Variants in FRMD4A observed in about 807,000 individuals in gnomAD.
FRMD4A encodes FERM domain-containing protein 4A.
Under a neutral mutation model 129.1 loss-of-function variants are expected in FRMD4A, and 29 were observed. That is an observed-to-expected ratio of 0.22 (90% confidence interval 0.17 to 0.31). The LOEUF is 0.31. FRMD4A is among the 10% of genes least tolerant of loss of function. The probability of loss-of-function intolerance (pLI) is 1.00; values close to 1 mark genes in which losing one functional copy is unlikely to be tolerated. For synonymous variants in FRMD4A, 634 were observed against 571.6 expected, an observed-to-expected ratio of 1.11 and a Z score of -1.56; for missense variants, 1,272 against 1,375.8, an observed-to-expected ratio of 0.92 and a Z score of 1.19.
chr10:13,911,588 A>G (rs2094941198), intron 2 of FRMD4A, among the ~76,000 whole-genome samples: 1 of 152,066 alleles, frequency 6.6e-6, no homozygotes, highest in Admixed American at 6.5e-5. Flanking sequence ...TTGGAGACAG[A>G]GTCTTGCTCT....
At chr10:13,704,750 G>T (rs555629616) in intron 13 of FRMD4A, among the ~76,000 whole-genome samples, 1 of 152,284 alleles carries the variant, frequency 6.6e-6, no homozygotes, top group East Asian at 1.9e-4. Flanking sequence ...AGGTTTCTTT[G>T]TTTCTTGTGA....
At chr10:14,330,501 T>C in intron 1 of FRMD4A, 96 bp downstream of exon 1, 1 of 403,968 alleles carries the variant, frequency 2.5e-6, no homozygotes, top group Non-Finnish European at 4.4e-6. Context: ...AATAAAACAT[T>C]CCCTATTGCA....
intron 2 of FRMD4A, among the ~76,000 whole-genome samples, chr10:14,311,409 T>A (rs1846542072): frequency 6.6e-6 from 1 of 152,210 alleles, no homozygotes; most frequent in Non-Finnish European, 1.5e-5. Context: ...GAGTGTGAGA[T>A]CCCAGAACAT....
At chr10:14,039,407 C>CATCCATCCATCTATCT (rs1285305420) in intron 2 of FRMD4A, among the ~76,000 whole-genome samples, 3 of 147,700 alleles carry the variant, frequency 2.0e-5, no homozygotes, top group African/African-American at 5.2e-5. Context: ...TCCATCCATC[C>CATCCATCCATCTATCT]ATCTATCTAT....
chr10:14,186,456 C>T (rs1055068380), intron 2 of FRMD4A, among the ~76,000 whole-genome samples: 1 of 152,170 alleles, frequency 6.6e-6, no homozygotes, highest in African/African-American at 2.4e-5. Context: ...AAAACTACTC[C>T]CTTGAAGCCA....
chr10:14,114,757 G>C (rs1258832526), intron 2 of FRMD4A, among the ~76,000 whole-genome samples: 1 of 152,194 alleles, frequency 6.6e-6, no homozygotes, highest in Non-Finnish European at 1.5e-5. Flanking sequence ...GAAGAAATCT[G>C]GGTGTCTAGG....
intron 5 of FRMD4A, among the ~76,000 whole-genome samples, chr10:13,785,482 T>G (rs1383628529): frequency 6.6e-6 from 1 of 152,220 alleles, no homozygotes; most frequent in African/African-American, 2.4e-5. Context: ...AGAGGCACAG[T>G]AAAGTTAAAC....
intron 2 of FRMD4A, among the ~76,000 whole-genome samples, chr10:13,997,725 C>T (rs947590930): frequency 6.7e-6 from 1 of 149,974 alleles, no homozygotes; most frequent in Non-Finnish European, 1.5e-5. Flanking sequence ...TGGGTTCAAA[C>T]AAGCCTTCCA....
intron 2 of FRMD4A, among the ~76,000 whole-genome samples, chr10:13,994,516 T>A (rs891717148): frequency 2.0e-5 from 3 of 152,102 alleles, no homozygotes; most frequent in African/African-American, 7.2e-5. Flanking sequence ...GAGACACGGT[T>A]TCACCATGTT....
At chr10:14,278,112 C>A (rs1435901768) in intron 2 of FRMD4A, among the ~76,000 whole-genome samples, 1 of 152,152 alleles carries the variant, frequency 6.6e-6, no homozygotes, top group Non-Finnish European at 1.5e-5. Context: ...CTCTACATTT[C>A]TAATCTGTTG....
At chr10:13,787,642 C>T (rs182533984) in intron 5 of FRMD4A, among the ~76,000 whole-genome samples, 14 of 151,860 alleles carry the variant, frequency 9.2e-5, no homozygotes, top group African/African-American at 2.4e-4. Context: ...TATTTTCTGT[C>T]GAGATGGGGT....
chr10:14,234,864 A>G (rs1263126225), intron 2 of FRMD4A, among the ~76,000 whole-genome samples: 2 of 152,244 alleles, frequency 1.3e-5, no homozygotes, highest in Non-Finnish European at 2.9e-5. Context: ...TCTACGTTAG[A>G]TCAGTTGCTA....
At chr10:13,864,843 A>T (rs1440447091) in intron 2 of FRMD4A, among the ~76,000 whole-genome samples, 2 of 152,052 alleles carry the variant, frequency 1.3e-5, no homozygotes, top group African/African-American at 4.8e-5. Flanking sequence ...TCCCAAAATG[A>T]TGCAATTACA....
chr10:14,296,216 G>T (rs1846004031), intron 2 of FRMD4A, among the ~76,000 whole-genome samples: 1 of 152,140 alleles, frequency 6.6e-6, no homozygotes, highest in Admixed American at 6.5e-5. Flanking sequence ...AGAGGCCTTT[G>T]GCCAAAGTAA....
rs940217572 is a variant in FRMD4A, at chr10:13,957,579, T to A, written c.46-98667A>T. Among the ~76,000 whole-genome samples, 12 of 152,126 alleles carry A rather than the reference T, an allele frequency of 7.9e-5. No homozygotes were observed. The South Asian group carries it at 2.5e-3, about 32-fold the overall frequency. On this transcript the variant is annotated intron_variant, in intron 2 of 24. Coordinates refer to ENST00000357447, the MANE Select transcript of FRMD4A (RefSeq NM_018027.5). Reference sequence around the variant, plus strand: ...CATACCCCTCCTTTTTGATTAGCACTTTATCATAAACAGAGTCCAGAGAAA... The same window carrying A: ...CATACCCCTCCTTTTTGATTAGCACATTATCATAAACAGAGTCCAGAGAAA...
intron 2 of FRMD4A, among the ~76,000 whole-genome samples, chr10:14,222,005 G>A (rs896225041): frequency 2.6e-5 from 4 of 152,166 alleles, no homozygotes; most frequent in African/African-American, 4.8e-5. Flanking sequence ...TAGGTTTTGC[G>A]GTCTCTGTCT....
intron 2 of FRMD4A, among the ~76,000 whole-genome samples, chr10:14,296,898 C>T (rs1391160815): frequency 1.3e-5 from 2 of 152,158 alleles, no homozygotes; most frequent in African/African-American, 4.8e-5. Flanking sequence ...AAATATGTGG[C>T]CTTTGTGCTC....
chr10:13,941,299 G>C (rs998177475), intron 2 of FRMD4A, among the ~76,000 whole-genome samples: 9 of 152,114 alleles, frequency 5.9e-5, no homozygotes, highest in Non-Finnish European at 1.3e-4. Context: ...ATTCTCTCTT[G>C]TCTGCTGCCA....
At chr10:14,163,775 C>A (rs1841027897) in intron 2 of FRMD4A, among the ~76,000 whole-genome samples, 1 of 152,212 alleles carries the variant, frequency 6.6e-6, no homozygotes, top group African/African-American at 2.4e-5. Flanking sequence ...TAAACGGCTA[C>A]ATGTTTGAGA....
Sources: gnomAD v4.1 joint callset for allele counts (sites outside exome capture counted in the v4.1 genomes callset) on GRCh38, gnomAD v4.1.1 for gene constraint, MANE v1.5 for transcripts, NCBI Gene and HGNC (gene_info 2026-07-23, HGNC 2026-07-21) for gene names.